The following ATP6V0E2 variants were observed in gnomAD, a reference collection of about 807,000 sequenced individuals.
ATP6V0E2 encodes V-type proton ATPase subunit e 2.
Under a neutral mutation model 11.5 loss-of-function variants are expected in ATP6V0E2, and 4 were observed. The ratio of observed to expected loss-of-function variants is 0.35; its 90% CI spans 0.17 to 0.80. The LOEUF (loss-of-function observed/expected upper bound fraction) is 0.80. Ranked by LOEUF, ATP6V0E2 falls within the 30% of genes least tolerant of loss-of-function variation. The probability of loss-of-function intolerance (pLI) is 0.53; values close to 1 mark genes in which losing one functional copy is unlikely to be tolerated. For synonymous variants in ATP6V0E2, 52 were observed against 51.0 expected, an observed-to-expected ratio of 1.02 and a Z score of -0.09; for missense variants, 93 against 113.5, an observed-to-expected ratio of 0.82 and a Z score of 0.82.
intron 1 of ATP6V0E2, 97 bp downstream of exon 1, chr7:149,874,266 G>A (rs1181454880): frequency 2.1e-6 from 3 of 1,419,156 alleles, no homozygotes; most frequent in African/African-American, 2.9e-5. Context: ...GCTCTGCAGC[G>A]AGCGTCCGCA....
chr7:149,874,287 C>G, intron 1 of ATP6V0E2, 118 bp downstream of exon 1: 1 of 1,331,670 alleles, frequency 7.5e-7, no homozygotes, highest in Non-Finnish European at 1.0e-6. Context: ...GGAGGGACGC[C>G]AGGACCCCGG....
chr7:149,875,417 A>G (rs1454126253), intron 1 of ATP6V0E2, among the ~76,000 whole-genome samples, 181 bp from the exon 2 acceptor site: 2 of 152,140 alleles, frequency 1.3e-5, no homozygotes, highest in African/African-American at 4.8e-5. Context: ...TGACACTTTC[A>G]GTTTTTATTT....
At chr7:149,874,896 T>A (rs1383405363) in intron 1 of ATP6V0E2, 1 of 153,288 alleles carries the variant, frequency 6.5e-6, no homozygotes, top group African/African-American at 2.4e-5. Context: ...AGGGCCTCGT[T>A]TGGATTAGAG....
intron 2 of ATP6V0E2, among the ~76,000 whole-genome samples, chr7:149,877,725 G>A (rs547817690): frequency 2.0e-5 from 3 of 152,174 alleles, no homozygotes; most frequent in African/African-American, 7.2e-5. Flanking sequence ...TGGGGGAGAC[G>A]GGGCCTACAC....
In ATP6V0E2 at chr7:149,879,530, C is replaced by T. The variant is rs746005146; in HGVS notation, c.*215C>T. 1.9e-6 allele frequency: 3 copies of T among 1,566,906 alleles called. No homozygotes were observed. Among genetic ancestry groups the T allele is most frequent in the South Asian group, 1.2e-5 (1 of 83,308 alleles). ...CCCGGGCCCTGGGGAGCCCTGGGCA[C>T]AGCAGCGGCCGAGGGGATGTCCTGC... On this transcript the variant is annotated 3_prime_UTR_variant, in exon 4 of 4. Transcript: ENST00000425642.
Position 149,878,783 on chromosome 7 carries a change from C to T in ATP6V0E2, c.*12C>T, listed in dbSNP as rs759390597. The T allele has an allele frequency of 4.5e-5, 72 of 1,612,602 alleles. 1 individual carries two copies. In the African/African-American group the frequency reaches 7.6e-4, roughly 17 times the overall value. ...TCCTGTGGGAGTGACCCGCCGCCCCCGACCCAGGTACTGTGTGGGCGAGGG... is the reference window on the plus strand; with the variant it reads ...TCCTGTGGGAGTGACCCGCCGCCCCTGACCCAGGTACTGTGTGGGCGAGGG... On this transcript the variant is annotated 3_prime_UTR_variant, in exon 3 of 4. Transcript: ENST00000425642.
In ATP6V0E2 at chr7:149,879,268, G is replaced by C. The variant is rs969220785; in HGVS notation, c.*20-67G>C. On this transcript the variant is annotated intron_variant, in intron 3 of 3. Transcript: ENST00000425642. ...TGGGCAGGGGTGAGGGGGCTTTCCA[G>C]GGAGGGTTGGGGGCAGTGGAGTCTC... The C allele has an allele frequency of 1.7e-5, 24 of 1,422,010 alleles. No homozygotes were observed. In the African/African-American group the frequency reaches 3.5e-4, roughly 21 times the overall value. 88.1% of individuals were successfully genotyped at this position (1,422,010 alleles called of 1,614,324 possible). A position where few individuals can be genotyped will look rare whatever the true frequency, so the allele number is the denominator to read the frequency against.
chr7:149,876,359 G>C (rs554213327), intron 2 of ATP6V0E2, among the ~76,000 whole-genome samples: 1 of 152,076 alleles, frequency 6.6e-6, no homozygotes, highest in East Asian at 1.9e-4. Flanking sequence ...CTGGGCAACA[G>C]AGTGAGACTC....
rs1250136609 is a variant in ATP6V0E2 at position 149,874,063 on chromosome 7, G to T, written c.-3G>T. Reference sequence around the variant, plus strand: ...ATCCTGCCTGGGCATCCTGCGCCCGGCCATGACGGCGCACTCATTCGCCCT... The same window carrying T: ...ATCCTGCCTGGGCATCCTGCGCCCGTCCATGACGGCGCACTCATTCGCCCT... On this transcript the variant is annotated 5_prime_UTR_variant, in exon 1 of 4. Transcript: ENST00000425642. The T allele has an allele frequency of 6.5e-7, 1 of 1,549,918 alleles. No individual in the cohort carries two copies.
At chr7:149,873,923 G>A, upstream of ATP6V0E2, 2 of 1,523,864 alleles carry the variant, frequency 1.3e-6, no homozygotes, top group Non-Finnish European at 1.8e-6. Context: ...CAGGAGATGC[G>A]CGTGCGCGGC....
At chr7:149,874,302 C>T (rs902548072) in intron 1 of ATP6V0E2, 133 bp downstream of exon 1, 8 of 1,216,678 alleles carry the variant, frequency 6.6e-6, no homozygotes, top group Non-Finnish European at 8.9e-6. Flanking sequence ...CCCCGGACGC[C>T]ACCTCTGAGG....
At position 149,878,690 on chromosome 7, in the gene ATP6V0E2, C is replaced by T. The variant is rs1446749926; in HGVS notation, c.165C>T (p.Ala55=). The T allele has an allele frequency of 5.6e-6, 9 of 1,612,010 alleles. No homozygotes were observed. The highest frequency in any genetic ancestry group is 6.8e-6 in the Non-Finnish European group (8 of 1,179,782). The change falls in exon 3 of 4, where the codon GCC becomes GCT. Residue 55 remains alanine (A), a synonymous_variant. Transcript: ENST00000425642. ...AVCCYLFWLI[A]ILAQLNPLFG... ...CTGTCCCTGGCAGCTGGCTCATCGC[C>T]ATCCTGGCGCAGCTGAACCCCCTGT...
At chr7:149,877,538 T>A (rs1030333537) in intron 2 of ATP6V0E2, among the ~76,000 whole-genome samples, 1 of 150,408 alleles carries the variant, frequency 6.6e-6, no homozygotes, top group Non-Finnish European at 1.5e-5. Context: ...TGATGACTAT[T>A]AACACATGGT....
chr7:149,876,853 T>A (rs1803175149), intron 2 of ATP6V0E2, among the ~76,000 whole-genome samples: 2 of 152,260 alleles, frequency 1.3e-5, no homozygotes. Flanking sequence ...ATGCTCATTC[T>A]TTAAGAGGTA....
Position 149,879,770 on chromosome 7 carries a change from G to C in ATP6V0E2, c.*455G>C, listed in dbSNP as rs1049760701. ...CTCTGCCACCATCCTGCTGGGAACT[G>C]GGGGGGCCTCTATTGGGTTATAGGC... On this transcript the variant is annotated 3_prime_UTR_variant, in exon 4 of 4. Transcript: ENST00000425642. The C allele has an allele frequency of 7.2e-6, 7 of 977,318 alleles. No homozygotes were observed. The highest frequency in any genetic ancestry group is 3.4e-5 in the African/African-American group (2 of 58,614). 60.5% of individuals were successfully genotyped at this position (977,318 alleles called of 1,614,324 possible).
intron 2 of ATP6V0E2, 69 bp downstream of exon 2, chr7:149,875,714 A>G: frequency 6.8e-7 from 1 of 1,463,786 alleles, no homozygotes; most frequent in Non-Finnish European, 9.5e-7. Flanking sequence ...TCCTCACCCT[A>G]GCCTGCTCTT....
In ATP6V0E2 at chr7:149,878,750, C is replaced by T. The variant is rs776482291; in HGVS notation, c.225C>T (p.Tyr75=). The change falls in exon 3 of 4, where the codon TAC becomes TAT. Residue 75 remains tyrosine (Y), a synonymous_variant. Coordinates refer to ENST00000425642, the MANE Select transcript of ATP6V0E2 (RefSeq NM_145230.4). ...AGCTGAAGAATGAGACCATCTGGTA[C>T]GTGCGCTTCCTGTGGGAGTGACCCG... The part of the protein sequence containing the change: ...GPQLKNETIW[Y]VRFLWE 2.1e-5 allele frequency: 34 copies of T among 1,613,058 alleles called. No homozygotes were observed. The highest frequency in any genetic ancestry group is 6.7e-5 in the African/African-American group (5 of 74,934).
At chr7:149,873,900 C>A (rs778684346), upstream of ATP6V0E2, 2 of 1,500,024 alleles carry the variant, frequency 1.3e-6, no homozygotes, top group African/African-American at 1.4e-5. Flanking sequence ...AGTGACAGCG[C>A]GGCGGGCTGG....
chr7:149,878,610 C>G, intron 2 of ATP6V0E2, 68 bp from the exon 3 acceptor site: 1 of 1,436,860 alleles, frequency 7.0e-7, no homozygotes, highest in Non-Finnish European at 9.5e-7. Context: ...ATAATATGAC[C>G]GAGGCCTCCC....
Sources: allele counts gnomAD v4.1 joint callset (sites outside exome capture counted in the v4.1 genomes callset), GRCh38; gene constraint gnomAD v4.1.1; transcripts MANE v1.5; gene names NCBI Gene and HGNC (gene_info 2026-07-23, HGNC 2026-07-21).